ATR: variants seen among roughly 807,000 people sequenced by gnomAD.
ATR encodes serine/threonine-protein kinase ATR.
In ATR, 142 loss-of-function variants were observed where a neutral mutation model predicts 305.3. The ratio of observed to expected loss-of-function variants is 0.47; its 90% CI spans 0.41 to 0.53. The LOEUF (loss-of-function observed/expected upper bound fraction) is 0.53, where lower values mean the gene tolerates loss of function less well. Ranked by LOEUF, ATR falls within the 20% of genes least tolerant of loss-of-function variation. The probability of loss-of-function intolerance (pLI) is 0.00; values close to 1 mark genes in which losing one functional copy is unlikely to be tolerated. For synonymous variants in ATR, 1,050 were observed against 1,068.1 expected (o/e 0.98, Z 0.33); for missense variants, 2,135 against 3,133.1 (o/e 0.68, Z 7.60).
rs1280612126 is a variant in ATR at position 142,561,268 on chromosome 3, T to C, written c.1324A>G (p.Lys442Glu). 1 of 1,614,024 alleles carries C rather than the reference T, an allele frequency of 6.2e-7. No homozygotes were observed. The highest frequency in any genetic ancestry group is 1.7e-5 in the Admixed American group (1 of 60,020). The stretch of plus-strand genomic sequence containing the variant: ...TCCTCAGTCTGTTTTGGTGCTCTTT[T>C]AGAAGGGTTTAGAGACGAGCTGAGA... The part of the protein sequence containing the change: ...RRLSSSLNPS[K>E]RAPKQTEEIK... The change falls in exon 5 of 47, where the codon AAA becomes GAA. Residue 442 changes from lysine to glutamate, a missense_variant. Around this residue, in one of 9 missense-constraint regions of ATR, gnomAD observed 744 missense variants for 873.2 expected, o/e 0.85. Transcript: ENST00000350721.
intron 27 of ATR, among the ~76,000 whole-genome samples, chr3:142,509,160 A>C (rs2032415443): frequency 6.6e-6 from 1 of 152,002 alleles, no homozygotes; most frequent in South Asian, 2.1e-4. Context: ...TTTTATTTTT[A>C]TTTATTTACT....
At position 142,468,075 on chromosome 3, in the gene ATR, TAA is replaced by T; in HGVS notation, c.6553-9_6553-8del. 1 of 1,611,514 alleles carries T rather than the reference TAA, an allele frequency of 6.2e-7. No individual in the cohort carries two copies. The highest frequency in any genetic ancestry group is 1.1e-5 in the South Asian group (1 of 90,916). Reference sequence around the variant, plus strand: ...CACGCATGGGATAAGATGACTGTCATAAAAAAGAGTTAAATGTCATAAAAAAG... The same window carrying T: ...CACGCATGGGATAAGATGACTGTCATAAAAGAGTTAAATGTCATAAAAAAG... On this transcript the variant is annotated splice_polypyrimidine_tract_variant and splice_region_variant and intron_variant, in intron 38 of 46. Coordinates refer to ENST00000350721, the MANE Select transcript of ATR (RefSeq NM_001184.4).
intron 28 of ATR, among the ~76,000 whole-genome samples, chr3:142,506,236 A>G (rs1029138527): frequency 2.6e-5 from 4 of 152,214 alleles, no homozygotes; most frequent in Admixed American, 6.5e-5. Context: ...TCTAAAGGAG[A>G]AGGTAGGATT....
chr3:142,466,819 ATG>A lies in ATR; in HGVS notation c.6688-288_6688-287del, dbSNP rs568811477. Among the ~76,000 whole-genome samples, 17 of 152,338 alleles carry A rather than the reference ATG, an allele frequency of 1.1e-4. No individual in the cohort carries two copies. The South Asian group carries it at 3.5e-3, about 32-fold the overall frequency. ...TTAAACTCTCACTGAAGAAACAGTT[ATG>A]TGTTTGATTATGGGATACTCCAACA... On this transcript the variant is annotated intron_variant, in intron 39 of 46. Transcript: ENST00000350721.
chr3:142,561,201 T>G, intron 5 of ATR, 42 bp downstream of exon 5: 1 of 1,591,182 alleles, frequency 6.3e-7, no homozygotes, highest in Non-Finnish European at 8.6e-7. Context: ...GAACAAAGTT[T>G]TATTTAATGG....
Position 142,449,620 on chromosome 3 carries a change from A to G in ATR, c.7762-18T>C, listed in dbSNP as rs2070737278. 1.9e-6 allele frequency: 3 copies of G among 1,611,698 alleles called. No individual in the cohort carries two copies. The highest frequency in any genetic ancestry group is 1.7e-6 in the Non-Finnish European group (2 of 1,178,128). ...GTCTTGGCCTAAAAAGAAGAAACAT[A>G]AAACCAAAAACAGATGTTAATAATT... On this transcript the variant is annotated intron_variant, in intron 46 of 46. Transcript: ENST00000350721.
At chr3:142,528,227 C>G (rs1265101928) in intron 21 of ATR, among the ~76,000 whole-genome samples, 2 of 152,210 alleles carry the variant, frequency 1.3e-5, no homozygotes, top group Non-Finnish European at 2.9e-5. Context: ...CATATATTCA[C>G]AATAGCTACT....
intron 46 of ATR, chr3:142,450,629 T>C (rs753795604): frequency 1.2e-6 from 2 of 1,607,292 alleles, no homozygotes; most frequent in South Asian, 2.2e-5. Flanking sequence ...TATGGAAGAG[T>C]ATACAAGGTC....
intron 46 of ATR, 77 bp downstream of exon 46, chr3:142,453,051 G>T: frequency 1.3e-6 from 2 of 1,598,340 alleles, no homozygotes; most frequent in South Asian, 1.1e-5. Flanking sequence ...GCATAGAGAT[G>T]AGAACTATAG....
intron 40 of ATR, 46 bp from the exon 41 acceptor site, chr3:142,465,286 T>G: frequency 6.6e-7 from 1 of 1,507,798 alleles, no homozygotes; most frequent in Non-Finnish European, 9.2e-7. Context: ...AAAATTTCTG[T>G]GTAAATGTCT....
At chr3:142,454,811 C>T (rs2070870496) in intron 45 of ATR, among the ~76,000 whole-genome samples, 1 of 152,142 alleles carries the variant, frequency 6.6e-6, no homozygotes, top group Non-Finnish European at 1.5e-5. Context: ...ATCTGTTTCC[C>T]ACAGCTAACA....
chr3:142,469,391 T>C lies in ATR; in HGVS notation c.6498A>G (p.Lys2166=), dbSNP rs1407399156. 1 of 1,613,986 alleles carries C rather than the reference T, an allele frequency of 6.2e-7. No individual in the cohort carries two copies. Residue 2166 remains lysine, a synonymous_variant, in exon 38 of 47, where the codon AAA becomes AAG. Transcript: ENST00000350721. Reference sequence around the variant, plus strand: ...CTTGTTGAGGATAGGCTAGAAATACTTTGGCTATTATTTCCATCAAGACAA... The same window carrying C: ...CTTGTTGAGGATAGGCTAGAAATACCTTGGCTATTATTTCCATCAAGACAA... The part of the protein sequence containing the change: ...VFVVLMEIIA[K]VFLAYPQQAM...
intron 35 of ATR, among the ~76,000 whole-genome samples, chr3:142,486,898 G>A (rs759362247): frequency 6.9e-6 from 1 of 145,966 alleles, no homozygotes; most frequent in Admixed American, 7.1e-5. Context: ...GGCGGATCAC[G>A]AGGTCAGGAG....
At chr3:142,566,365 C>A in intron 2 of ATR, 104 bp from the exon 3 acceptor site, 1 of 1,291,540 alleles carries the variant, frequency 7.7e-7, no homozygotes. Flanking sequence ...ACTCCTGTAA[C>A]CCCTGTACTT....
intron 2 of ATR, 23 bp downstream of exon 2, chr3:142,568,040 A>G (rs753567168): frequency 1.3e-6 from 2 of 1,534,810 alleles, no homozygotes; most frequent in South Asian, 2.4e-5. Flanking sequence ...TAAAGTTTAT[A>G]TAAGAAATAA....
chr3:142,545,236 A>G (rs1205853195), intron 16 of ATR, among the ~76,000 whole-genome samples: 2 of 152,206 alleles, frequency 1.3e-5, no homozygotes, highest in African/African-American at 4.8e-5. Context: ...GTATGTAAAC[A>G]AAGTTGTGAT....
chr3:142,454,593 C>T (rs1051690946), intron 45 of ATR, among the ~76,000 whole-genome samples: 13 of 151,572 alleles, frequency 8.6e-5, no homozygotes, highest in Non-Finnish European at 1.6e-4. Flanking sequence ...AGGCGCCCGC[C>T]ACCTCGCCCG....
chr3:142,485,329 T>C (rs2030845799), intron 35 of ATR, 47 bp from the exon 36 acceptor site: 1 of 1,599,198 alleles, frequency 6.3e-7, no homozygotes, highest in Non-Finnish European at 8.6e-7. Context: ...TCCCACGCTA[T>C]GCTGGGAAGT....
chr3:142,536,042 T>G (rs1332838084), intron 20 of ATR, 66 bp downstream of exon 20: 1 of 1,102,314 alleles, frequency 9.1e-7, no homozygotes, highest in Non-Finnish European at 1.4e-6. Flanking sequence ...CTTTATTTCA[T>G]GTATTGGAAC....
Sources: allele counts gnomAD v4.1 joint callset (sites outside exome capture counted in the v4.1 genomes callset), GRCh38; gene constraint gnomAD v4.1.1; regional missense constraint gnomAD v4.1.1; transcripts MANE v1.5; gene names NCBI Gene and HGNC (gene_info 2026-07-23, HGNC 2026-07-21).